RDH11: variants seen among roughly 807,000 people sequenced by gnomAD.
RDH11 encodes retinol dehydrogenase 11.
In RDH11, 19 loss-of-function variants were observed where a neutral mutation model predicts 33.4. That is an observed-to-expected ratio of 0.57 (90% CI 0.40 to 0.83). RDH11 has a LOEUF of 0.83. RDH11 is among the 40% of genes least tolerant of loss of function. RDH11 has a pLI of 0.00. For synonymous variants in RDH11, 154 were observed against 155.3 expected, an observed-to-expected ratio of 0.99 and a Z score of 0.06; for missense variants, 353 against 389.0, an observed-to-expected ratio of 0.91 and a Z score of 0.78.
At position 67,677,340 on chromosome 14, in the gene RDH11, T is replaced by C. The variant is rs2037552262; in HGVS notation, c.*981A>G. ...TAATTTTTCTGAATGAAGAATTGTT[T>C]TTTTTGTTTGTTTGTTTTTAGGATT... On this transcript the variant is annotated 3_prime_UTR_variant, in exon 7 of 7. Transcript: ENST00000381346. 6.7e-6 allele frequency: 1 copy of C among 150,220 alleles called. No individual in the cohort carries two copies. The highest frequency in any genetic ancestry group is 2.5e-5 in the African/African-American group (1 of 40,736). 9.3% of individuals were successfully genotyped at this position (150,220 alleles called of 1,614,324 possible). A position where few individuals can be genotyped will look rare whatever the true frequency, so the allele number is the denominator to read the frequency against.
chr14:67,687,974 A>G (rs1362427353), intron 5 of RDH11, among the ~76,000 whole-genome samples: 1 of 148,210 alleles, frequency 6.7e-6, no homozygotes, highest in Admixed American at 6.7e-5. Context: ...GCTTTCACCA[A>G]GTTGGCCAGG....
chr14:67,685,092 A>C lies in RDH11; in HGVS notation c.777T>G (p.Thr259=), dbSNP rs1594849190. 1 of 1,614,018 alleles carries C rather than the reference A, an allele frequency of 6.2e-7. No individual in the cohort carries two copies. Among genetic ancestry groups the C allele is most frequent in the South Asian group, 1.1e-5 (1 of 91,092 alleles). The part of the protein sequence containing the change: ...MWWLFSFFIK[T]PQQGAQTSLH... ...GGCTGGTCTGGGCTCCCTGCTGAGG[A>C]GTCTTGATGAAAAAGGAGAAAAGCC... The change falls in exon 6 of 7, where the codon ACT becomes ACG. Residue 259 remains threonine (T), a synonymous_variant. Coordinates refer to ENST00000381346, the MANE Select transcript of RDH11 (RefSeq NM_016026.4).
intron 5 of RDH11, among the ~76,000 whole-genome samples, chr14:67,688,476 T>C (rs1162879172): frequency 6.6e-6 from 1 of 152,154 alleles, no homozygotes; most frequent in African/African-American, 2.4e-5. Flanking sequence ...AGGAAAATTA[T>C]TGGAAAGGGG....
intron 4 of RDH11, chr14:67,690,917 C>T (rs758141605): frequency 1.7e-5 from 9 of 539,384 alleles, no homozygotes; most frequent in Non-Finnish European, 2.6e-5. Context: ...TTAAAAAATG[C>T]GCCAAGGCAA....
rs1402560253 is a variant in RDH11, at chr14:67,677,278, T to C, written c.*1043A>G. On this transcript the variant is annotated 3_prime_UTR_variant, in exon 7 of 7. Transcript: ENST00000381346. Reference sequence around the variant, plus strand: ...TGTAAGGAAATGCCCCAAAATATTATTAAATTGACCATAATTACCAATATC... The same window carrying C: ...TGTAAGGAAATGCCCCAAAATATTACTAAATTGACCATAATTACCAATATC... 1 of 151,702 alleles carries C rather than the reference T, an allele frequency of 6.6e-6. No homozygotes were observed. The highest frequency in any genetic ancestry group is 6.6e-5 in the Admixed American group (1 of 15,198). The allele number at this position is 151,702 out of a possible 1,614,324, so 9.4% of individuals were successfully genotyped here.
chr14:67,692,816 T>C (rs1191423684), intron 2 of RDH11, 118 bp downstream of exon 2: 2 of 900,074 alleles, frequency 2.2e-6, no homozygotes, highest in Admixed American at 4.4e-5. Context: ...AGCAAATCAG[T>C]GGAATCCTTA....
At chr14:67,679,467 G>A (rs575247617) in intron 6 of RDH11, among the ~76,000 whole-genome samples, 22 of 150,278 alleles carry the variant, frequency 1.5e-4, no homozygotes, top group East Asian at 5.8e-4. Flanking sequence ...GCAGTGATGC[G>A]ATCTCAGCTC....
chr14:67,687,331 C>T (rs2037690864), intron 5 of RDH11, among the ~76,000 whole-genome samples: 1 of 152,172 alleles, frequency 6.6e-6, no homozygotes, highest in African/African-American at 2.4e-5. Flanking sequence ...ACCTACCTCA[C>T]CAGTCTCAGC....
chr14:67,689,238 G>A (rs1176813138), intron 5 of RDH11, among the ~76,000 whole-genome samples: 1 of 152,208 alleles, frequency 6.6e-6, no homozygotes, highest in Non-Finnish European at 1.5e-5. Flanking sequence ...CCATCTCACA[G>A]ATGTTCATTT....
intron 1 of RDH11, among the ~76,000 whole-genome samples, chr14:67,694,489 C>CACACAT (rs1555387472): frequency 3.5e-5 from 5 of 144,230 alleles, no homozygotes; most frequent in South Asian, 2.2e-4. Context: ...CACACACACA[C>CACACAT]ATATATATAT....
At chr14:67,691,054 A>AC in intron 4 of RDH11, 86 bp downstream of exon 4, 1 of 863,700 alleles carries the variant, frequency 1.2e-6, no homozygotes, top group East Asian at 2.4e-5. Context: ...GTTCAATCAC[A>AC]CAACAAGAAG....
chr14:67,679,783 T>G (rs1366080454), intron 6 of RDH11, among the ~76,000 whole-genome samples: 1 of 152,198 alleles, frequency 6.6e-6, no homozygotes, highest in Non-Finnish European at 1.5e-5. Context: ...TTTTGTATTC[T>G]CTGGATCTGG....
chr14:67,688,285 G>A (rs1182409883), intron 5 of RDH11, among the ~76,000 whole-genome samples: 2 of 152,002 alleles, frequency 1.3e-5, no homozygotes, highest in Admixed American at 1.3e-4. Flanking sequence ...ACAACAAAAA[G>A]GAAACAATCC....
At chr14:67,691,290 A>G in intron 3 of RDH11, 46 bp from the exon 4 acceptor site, 2 of 1,363,606 alleles carry the variant, frequency 1.5e-6, no homozygotes, top group Non-Finnish European at 1.0e-6. Context: ...AGCCAAGGCT[A>G]TTACATCTTA....
intron 6 of RDH11, among the ~76,000 whole-genome samples, chr14:67,682,494 G>A (rs1366495318): frequency 3.9e-5 from 6 of 152,036 alleles, no homozygotes; most frequent in South Asian, 2.1e-4. Flanking sequence ...ACCAAAAAGC[G>A]CATGAAAGAA....
In RDH11 at chr14:67,685,765, G is replaced by A. The variant is rs369339050; in HGVS notation, c.665-561C>T. 3.2e-4 allele frequency among the ~76,000 whole-genome samples: 48 copies of A among 152,090 alleles called. 1 individual carries two copies. The highest frequency in any genetic ancestry group is 1.1e-3 in the African/African-American group (45 of 41,466). ...CAAGTAGCTGGGACTACAGGGGTGCGCCACCACACCAGGCTAATTTTTGTA... is the reference window on the plus strand; with the variant it reads ...CAAGTAGCTGGGACTACAGGGGTGCACCACCACACCAGGCTAATTTTTGTA... On this transcript the variant is annotated intron_variant, in intron 5 of 6. Coordinates refer to ENST00000381346, the MANE Select transcript of RDH11 (RefSeq NM_016026.4).
intron 6 of RDH11, among the ~76,000 whole-genome samples, chr14:67,681,456 T>C (rs1444784658): frequency 6.6e-6 from 1 of 152,216 alleles, no homozygotes; most frequent in East Asian, 1.9e-4. Flanking sequence ...TGCAAAAGAA[T>C]GAAGGTTGAC....
chr14:67,686,783 A>G (rs1055055106), intron 5 of RDH11, among the ~76,000 whole-genome samples: 1 of 152,290 alleles, frequency 6.6e-6, no homozygotes, highest in East Asian at 1.9e-4. Flanking sequence ...TAGAAAGGTA[A>G]TATGAAATGT....
chr14:67,685,143 G>C lies in RDH11; in HGVS notation c.726C>G (p.His242Gln). The C allele has an allele frequency of 3.1e-6, 5 of 1,614,184 alleles. No individual in the cohort carries two copies. Among genetic ancestry groups the C allele is most frequent in the Non-Finnish European group, 4.2e-6 (5 of 1,180,030 alleles). The change falls in exon 6 of 7, where the codon CAC becomes CAG. Residue 242 changes from histidine to glutamine, a missense_variant. By Grantham distance (24) the His-to-Gln change is conservative (BLOSUM62 0). Coordinates refer to ENST00000381346, the MANE Select transcript of RDH11 (RefSeq NM_016026.4). Reference protein sequence around the residue: ...PGTVQSELVRHSSFMRWMWWL... With the variant: ...PGTVQSELVRQSSFMRWMWWL... ...ACCACATCCATCTCATGAAAGATGAGTGCCGAACCAGTTCAGATTGGACTG... is the reference window on the plus strand; with the variant it reads ...ACCACATCCATCTCATGAAAGATGACTGCCGAACCAGTTCAGATTGGACTG...
Sources: allele counts gnomAD v4.1 joint callset (sites outside exome capture counted in the v4.1 genomes callset), GRCh38; gene constraint gnomAD v4.1.1; transcripts MANE v1.5; gene names NCBI Gene and HGNC (gene_info 2026-07-23, HGNC 2026-07-21).